Variants in ZC3H3 observed in about 807,000 individuals in gnomAD.
ZC3H3 encodes zinc finger CCCH-type containing 3, also known as zinc finger CCCH domain-containing protein 3.
In ZC3H3, 36 loss-of-function variants were observed where a neutral mutation model predicts 77.3. That is an observed-to-expected ratio of 0.47 (90% CI 0.36 to 0.61). The LOEUF is 0.61. Ranked by LOEUF, ZC3H3 falls within the 20% of genes least tolerant of loss-of-function variation. The probability of loss-of-function intolerance (pLI) is 0.00; values close to 1 mark genes in which losing one functional copy is unlikely to be tolerated. For synonymous variants in ZC3H3, 626 were observed against 555.2 expected (o/e 1.13, Z -1.79); for missense variants, 1,331 against 1,312.2 (o/e 1.01, Z -0.22).
At chr8:143,451,209 C>T (rs1225428328) in intron 9 of ZC3H3, among the ~76,000 whole-genome samples, 3 of 151,886 alleles carry the variant, frequency 2.0e-5, no homozygotes, top group South Asian at 2.1e-4. Context: ...GACAGGAGCC[C>T]GGGGAAAACC....
Position 143,538,028 on chromosome 8 carries a change from T to C in ZC3H3, c.1339A>G (p.Ile447Val), listed in dbSNP as rs1431577284. The stretch of plus-strand genomic sequence containing the variant: ...CTTGTGCTGCTGCGTCTCCGGATGA[T>C]CTTGGTGCGGCTCTTCACTTTGTAA... ...SAYKVKSRTK[I>V]IRRRSSTSLP... The change falls in exon 2 of 12, where the codon ATC becomes GTC. Residue 447 changes from isoleucine to valine, a missense_variant. Physicochemically the swap from Ile to Val is conservative, Grantham distance 29. Transcript: ENST00000262577. 5.6e-6 allele frequency: 9 copies of C among 1,609,736 alleles called. No homozygotes were observed. The highest frequency in any genetic ancestry group is 7.6e-6 in the Non-Finnish European group (9 of 1,178,154).
In ZC3H3 at chr8:143,536,319, T is replaced by G; in HGVS notation, c.1499A>C (p.Gln500Pro). ...LKKTPNKGLVQVTTHRLCRLP... is the reference protein window; with the variant it reads ...LKKTPNKGLVPVTTHRLCRLP... Reference sequence around the variant, plus strand: ...GCGACATAGTCGGTGCGTGGTGACCTGTACCAGGCCCTTGTTGGGGGTCTT... The same window carrying G: ...GCGACATAGTCGGTGCGTGGTGACCGGTACCAGGCCCTTGTTGGGGGTCTT... The change falls in exon 3 of 12, where the codon CAG becomes CCG. Residue 500 changes from glutamine to proline, a missense_variant. Physicochemically the swap from Gln to Pro is moderately conservative, Grantham distance 76 (BLOSUM62 -1). This residue lies in a region of ZC3H3 where 978 missense variants were observed against 915.5 expected (regional missense o/e 1.07). Coordinates refer to ENST00000262577, the MANE Select transcript of ZC3H3 (RefSeq NM_015117.3). 6.2e-7 allele frequency: 1 copy of G among 1,612,010 alleles called. No individual in the cohort carries two copies. The highest frequency in any genetic ancestry group is 8.5e-7 in the Non-Finnish European group (1 of 1,179,594).
chr8:143,495,189 T>C (rs1164053539), intron 4 of ZC3H3, among the ~76,000 whole-genome samples: 1 of 152,090 alleles, frequency 6.6e-6, no homozygotes, highest in African/African-American at 2.4e-5. Flanking sequence ...GTAAAATTAA[T>C]AAAGTGCGGA....
chr8:143,452,747 A>G (rs1034130985), intron 9 of ZC3H3, among the ~76,000 whole-genome samples: 1 of 152,252 alleles, frequency 6.6e-6, no homozygotes, highest in African/African-American at 2.4e-5. Context: ...ACTGGAAGAC[A>G]GAATAACAGA....
At chr8:143,473,302 G>A (rs1260350076) in intron 5 of ZC3H3, among the ~76,000 whole-genome samples, 1 of 152,086 alleles carries the variant, frequency 6.6e-6, no homozygotes, top group Admixed American at 6.6e-5. Context: ...GGATGCTCTT[G>A]CTGCTTCTGT....
chr8:143,494,212 C>T lies in ZC3H3; in HGVS notation c.1715+13534G>A, dbSNP rs971590756. Reference sequence around the variant, plus strand: ...CCACACCCCACACAGAGGCCCAGAGCGCCCTGGACCCAGCTTCAACAGAGA... The same window carrying T: ...CCACACCCCACACAGAGGCCCAGAGTGCCCTGGACCCAGCTTCAACAGAGA... On this transcript the variant is annotated intron_variant, in intron 4 of 11. Coordinates refer to ENST00000262577, the MANE Select transcript of ZC3H3 (RefSeq NM_015117.3). This position sits in a 1 kb window ranked among gnomAD's most constrained non-coding sequence, Gnocchi z 5.3. Among the ~76,000 whole-genome samples the T allele has an allele frequency of 3.3e-5, 5 of 152,210 alleles. No individual in the cohort carries two copies. Among genetic ancestry groups the T allele is most frequent in the African/African-American group, 9.7e-5 (4 of 41,448 alleles).
chr8:143,540,628 G>GACAC (rs1822979939), intron 1 of ZC3H3, among the ~76,000 whole-genome samples: 1 of 152,198 alleles, frequency 6.6e-6, no homozygotes, highest in Admixed American at 6.5e-5. Flanking sequence ...AATGGCAAGG[G>GACAC]GAGTGTGACT....
chr8:143,481,869 A>G (rs908727622), intron 4 of ZC3H3, among the ~76,000 whole-genome samples: 2 of 152,118 alleles, frequency 1.3e-5, no homozygotes, highest in Non-Finnish European at 2.9e-5. Context: ...CAGCCTCACC[A>G]CTGGCAGAAG....
intron 9 of ZC3H3, among the ~76,000 whole-genome samples, chr8:143,458,999 C>G (rs1563838905): frequency 6.6e-6 from 1 of 151,614 alleles, no homozygotes; most frequent in Non-Finnish European, 1.5e-5. Flanking sequence ...AGAAAAAAGA[C>G]AGAAAAGCAC....
intron 3 of ZC3H3, among the ~76,000 whole-genome samples, chr8:143,529,556 G>A (rs1024320036): frequency 1.3e-5 from 2 of 152,204 alleles, no homozygotes; most frequent in African/African-American, 4.8e-5. Flanking sequence ...TTCTGAGACC[G>A]AGAAGTCAGG....
intron 4 of ZC3H3, among the ~76,000 whole-genome samples, chr8:143,479,443 T>G (rs1232868826): frequency 6.6e-6 from 1 of 152,160 alleles, no homozygotes; most frequent in East Asian, 1.9e-4. Flanking sequence ...GCTCTGTAAT[T>G]CCTTTTCCGC....
chr8:143,468,582 G>A, intron 6 of ZC3H3, 35 bp downstream of exon 6: 1 of 1,588,986 alleles, frequency 6.3e-7, no homozygotes, highest in Non-Finnish European at 8.6e-7. Context: ...AGGGCGAGCA[G>A]GGAGCCCACC....
chr8:143,468,007 G>A (rs912612632), intron 8 of ZC3H3, among the ~76,000 whole-genome samples: 3 of 152,224 alleles, frequency 2.0e-5, no homozygotes, highest in Non-Finnish European at 4.4e-5. Flanking sequence ...GACCCTATCA[G>A]CGCTGCTTTC....
chr8:143,443,452 C>A (rs1819797558), intron 9 of ZC3H3, among the ~76,000 whole-genome samples: 1 of 152,064 alleles, frequency 6.6e-6, no homozygotes, highest in South Asian at 2.1e-4. Flanking sequence ...AAACCCAAAC[C>A]AGCCAAACAA....
chr8:143,505,939 C>G (rs1821678876), intron 4 of ZC3H3, among the ~76,000 whole-genome samples: 1 of 152,252 alleles, frequency 6.6e-6, no homozygotes, highest in South Asian at 2.1e-4. Flanking sequence ...TGCAGGGCAG[C>G]TGGCCAGGCT....
At chr8:143,484,812 C>T (rs910307878) in intron 4 of ZC3H3, 2 of 437,452 alleles carry the variant, frequency 4.6e-6, no homozygotes, top group South Asian at 1.6e-5. Context: ...TCTAAAGAGA[C>T]TCACAGCAGA....
chr8:143,513,903 T>C (rs1339435105), intron 3 of ZC3H3, among the ~76,000 whole-genome samples: 1 of 152,138 alleles, frequency 6.6e-6, no homozygotes, highest in African/African-American at 2.4e-5. Context: ...GGTGAAGGGC[T>C]ATGGAGCAGC....
intron 3 of ZC3H3, among the ~76,000 whole-genome samples, chr8:143,511,930 G>A (rs985246938): frequency 1.3e-5 from 2 of 152,260 alleles, no homozygotes; most frequent in African/African-American, 2.4e-5. Context: ...CTGAGCAGGA[G>A]GCCAAGACTG....
chr8:143,510,577 A>G (rs1175252011), intron 3 of ZC3H3, among the ~76,000 whole-genome samples: 1 of 152,176 alleles, frequency 6.6e-6, no homozygotes, highest in African/African-American at 2.4e-5. Context: ...TGCAGGAAGG[A>G]AGGGTCCCTC....
Sources: allele counts gnomAD v4.1 joint callset (sites outside exome capture counted in the v4.1 genomes callset), GRCh38; gene constraint gnomAD v4.1.1; regional missense constraint gnomAD v4.1.1; non-coding constraint Gnocchi (gnomAD v3.1); transcripts MANE v1.5; gene names NCBI Gene and HGNC (gene_info 2026-07-23, HGNC 2026-07-21).